Variants in ANKRD12 observed in about 807,000 individuals in gnomAD.
ANKRD12 encodes ankyrin repeat domain 12.
A neutral mutation model predicts 183.4 loss-of-function variants in ANKRD12; 85 were observed. That is an observed-to-expected ratio of 0.46 (90% CI 0.39 to 0.56). The LOEUF (loss-of-function observed/expected upper bound fraction) is 0.56, where lower values mean the gene tolerates loss of function less well. Among genes scored for constraint, ANKRD12 ranks in the 20% least tolerant of loss-of-function variants. The pLI, the probability that ANKRD12 is intolerant of heterozygous loss-of-function variation, is 0.00. For synonymous variants in ANKRD12, 914 were observed against 800.2 expected (o/e 1.14, Z -2.40); for missense variants, 2,405 against 2,357.1 (o/e 1.02, Z -0.42).
In ANKRD12 at chr18:9,258,050, G is replaced by T. The variant is rs750935609; in HGVS notation, c.4783G>T (p.Asp1595Tyr). 6.2e-6 allele frequency: 10 copies of T among 1,613,282 alleles called. No homozygotes were observed. The highest frequency in any genetic ancestry group is 8.5e-6 in the Non-Finnish European group (10 of 1,179,974). ...ATCAGAAAAGGACTTTAATGGAAGT[G>T]ATGCCTCTACCCAGCTAAATACACA... ...LPSEKDFNGS[D>Y]ASTQLNTHYA... The change falls in exon 9 of 13, where the codon GAT (aspartate) becomes TAT (tyrosine). Residue 1595 changes from aspartate (D) to tyrosine (Y), a missense_variant. Asp to Tyr is a radical substitution (Grantham distance 160, BLOSUM62 -3). Coordinates refer to ENST00000262126, the MANE Select transcript of ANKRD12 (RefSeq NM_015208.5).
intron 1 of ANKRD12, among the ~76,000 whole-genome samples, chr18:9,161,775 A>G (rs2031464910): frequency 6.6e-6 from 1 of 151,924 alleles, no homozygotes; most frequent in African/African-American, 2.4e-5. Flanking sequence ...AAATATATAT[A>G]TATGGAATGA....
At chr18:9,184,230 T>C (rs936842587) in intron 2 of ANKRD12, among the ~76,000 whole-genome samples, 1 of 152,226 alleles carries the variant, frequency 6.6e-6, no homozygotes, top group Non-Finnish European at 1.5e-5. Context: ...AGTTTCAGAT[T>C]TCCCTACAAA....
At chr18:9,254,186 C>A in intron 8 of ANKRD12, 25 bp from the exon 9 acceptor site, 2 of 1,467,232 alleles carry the variant, frequency 1.4e-6, no homozygotes, top group Non-Finnish European at 1.8e-6. Context: ...TTGACCCACA[C>A]CACATTTTCT....
intron 2 of ANKRD12, 53 bp downstream of exon 2, chr18:9,182,572 C>A: frequency 2.5e-6 from 3 of 1,194,776 alleles, no homozygotes; most frequent in East Asian, 2.6e-5. Context: ...AAAAAGACTC[C>A]CAATTAAGTA....
At chr18:9,169,886 G>A (rs961268291) in intron 1 of ANKRD12, among the ~76,000 whole-genome samples, 3 of 152,068 alleles carry the variant, frequency 2.0e-5, no homozygotes, top group African/African-American at 7.2e-5. Context: ...CTTCCTTCAG[G>A]AGCTCTTTTA....
intron 2 of ANKRD12, 103 bp from the exon 3 acceptor site, chr18:9,195,448 T>C (rs2144402252): frequency 2.6e-6 from 2 of 756,150 alleles, no homozygotes; most frequent in South Asian, 6.3e-5. Flanking sequence ...TGATAGGTAA[T>C]ACTATCTCTT....
chr18:9,141,673 G>T (rs1001983996), intron 1 of ANKRD12, among the ~76,000 whole-genome samples: 2 of 152,068 alleles, frequency 1.3e-5, no homozygotes, highest in African/African-American at 2.4e-5. Context: ...TTTAAAAATT[G>T]TGTCATCTTT....
intron 5 of ANKRD12, among the ~76,000 whole-genome samples, chr18:9,210,716 A>AC (rs1443427210): frequency 1.3e-5 from 2 of 150,616 alleles, no homozygotes; most frequent in East Asian, 3.9e-4. Flanking sequence ...ACAGAGTGAG[A>AC]CTCTGTCTCA....
Position 9,257,566 on chromosome 18 carries a change from C to T in ANKRD12, c.4299C>T (p.Asp1433=). 6.2e-7 allele frequency: 1 copy of T among 1,614,072 alleles called. No individual in the cohort carries two copies. Among genetic ancestry groups the T allele is most frequent in the Non-Finnish European group, 8.5e-7 (1 of 1,179,974 alleles). ...VDRLETLSTR[D]FICPNSNIPD... is the part of the protein sequence containing the mutation. ...GACTAGAGACATTAAGCACCAGAGA[C>T]TTTATCTGCCCAAATTCTAACATAC... The change falls in exon 9 of 13, where the codon GAC becomes GAT. Residue 1433 remains aspartate, a synonymous_variant. Transcript: ENST00000262126.
At chr18:9,224,637 A>T (rs2036607085) in intron 8 of ANKRD12, among the ~76,000 whole-genome samples, 1 of 152,204 alleles carries the variant, frequency 6.6e-6, no homozygotes, top group South Asian at 2.1e-4. Context: ...TCTGGAAAAC[A>T]ATTTGTTAAT....
chr18:9,162,279 T>A (rs567258309), intron 1 of ANKRD12, among the ~76,000 whole-genome samples: 1 of 150,524 alleles, frequency 6.6e-6, no homozygotes, highest in South Asian at 2.1e-4. Flanking sequence ...CTCACACTTA[T>A]AAGTGAGAAC....
At position 9,255,083 on chromosome 18, in the gene ANKRD12, A is replaced by G. The variant is rs141484109; in HGVS notation, c.1816A>G (p.Ser606Gly). The change falls in exon 9 of 13, where the codon AGC becomes GGC. Residue 606 changes from serine (S) to glycine (G), a missense_variant. Ser to Gly is a moderately conservative substitution (Grantham distance 56). Around this residue, in one of 7 missense-constraint regions of ANKRD12, gnomAD observed 1,983 missense variants for 1,725.9 expected, o/e 1.15. Transcript: ENST00000262126. The stretch of plus-strand genomic sequence containing the variant: ...AAAATCTTGTAAGCATAAGGAAAAA[A>G]GCAAACATCAGAAAGATTTCCACTT... ...SVKSCKHKEKSKHQKDFHLEF... is the reference protein window; with the variant it reads ...SVKSCKHKEKGKHQKDFHLEF... 1.4e-3 allele frequency: 2,225 copies of G among 1,580,126 alleles called. 12 individuals carry two copies. Among genetic ancestry groups the G allele is most frequent in the South Asian group, 9.4e-3 (795 of 84,508 alleles).
rs1309539806 is a variant in ANKRD12 at position 9,258,058 on chromosome 18, T to C, written c.4791T>C (p.Ser1597=). ...SEKDFNGSDA[S]TQLNTHYAFS... The stretch of plus-strand genomic sequence containing the variant: ...AGGACTTTAATGGAAGTGATGCCTC[T>C]ACCCAGCTAAATACACATTATGCAT... Residue 1597 remains serine (S), a synonymous_variant, in exon 9 of 13, where the codon TCT becomes TCC. Transcript: ENST00000262126. 2 of 1,613,434 alleles carry C rather than the reference T, an allele frequency of 1.2e-6. No homozygotes were observed. The highest frequency in any genetic ancestry group is 8.5e-7 in the Non-Finnish European group (1 of 1,179,958).
chr18:9,195,828 T>C, intron 3 of ANKRD12, 130 bp downstream of exon 3: 2 of 882,510 alleles, frequency 2.3e-6, no homozygotes, highest in African/African-American at 3.5e-5. Flanking sequence ...TTCAGATTTA[T>C]CATTTTGGGG....
At chr18:9,141,854 C>G (rs1241664089) in intron 1 of ANKRD12, among the ~76,000 whole-genome samples, 2 of 152,124 alleles carry the variant, frequency 1.3e-5, no homozygotes, top group Non-Finnish European at 2.9e-5. Flanking sequence ...CTTATTTTGA[C>G]AATTAAGATT....
intron 9 of ANKRD12, among the ~76,000 whole-genome samples, chr18:9,261,614 A>G (rs1344611117): frequency 6.6e-6 from 1 of 152,190 alleles, no homozygotes; most frequent in Non-Finnish European, 1.5e-5. Context: ...AGAACATCAA[A>G]TTTGACAAAA....
In ANKRD12 at chr18:9,195,665, C is replaced by A. The variant is rs775131460; in HGVS notation, c.202C>A (p.Pro68Thr). The change falls in exon 3 of 13, where the codon CCA becomes ACA. Residue 68 changes from proline to threonine, a missense_variant. Around this residue, in one of 7 missense-constraint regions of ANKRD12, gnomAD observed 145 missense variants for 145.6 expected, o/e 1.00. Transcript: ENST00000262126. ...MKRKLPFTIS[P>T]SRNEERDSDT... is the part of the protein sequence containing the mutation. Reference sequence around the variant, plus strand: ...ACGTAAACTTCCTTTTACTATTAGCCCATCAAGAAATGAAGAACGAGATTC... The same window carrying A: ...ACGTAAACTTCCTTTTACTATTAGCACATCAAGAAATGAAGAACGAGATTC... 11 of 1,611,020 alleles carry A rather than the reference C, an allele frequency of 6.8e-6. No individual in the cohort carries two copies. The highest frequency in any genetic ancestry group is 2.2e-5 in the South Asian group (2 of 90,824).
At chr18:9,221,095 G>A (rs924869302) in intron 7 of ANKRD12, among the ~76,000 whole-genome samples, 1 of 152,090 alleles carries the variant, frequency 6.6e-6, no homozygotes, top group Admixed American at 6.5e-5. Context: ...TTTTTTTAAG[G>A]TGCAAGAAAT....
rs967225676 is a variant in ANKRD12, at chr18:9,163,261, G to A, written c.-51-19121G>A. On this transcript the variant is annotated intron_variant, in intron 1 of 12. Coordinates refer to ENST00000262126, the MANE Select transcript of ANKRD12 (RefSeq NM_015208.5). ...ATCCAGTTTCAATTTTTTTGCATAT[G>A]GCTACCCAGCTCTCCTAACACCATT... Among the ~76,000 whole-genome samples the A allele has an allele frequency of 5.9e-5, 9 of 152,180 alleles. No homozygotes were observed. The East Asian group carries it at 1.5e-3, about 26-fold the overall frequency.
Sources: allele counts gnomAD v4.1 joint callset (sites outside exome capture counted in the v4.1 genomes callset), GRCh38; gene constraint gnomAD v4.1.1; regional missense constraint gnomAD v4.1.1; transcripts MANE v1.5; gene names NCBI Gene and HGNC (gene_info 2026-07-23, HGNC 2026-07-21).